The following OR51B5 variants were observed in gnomAD, a reference collection of about 807,000 sequenced individuals.
OR51B5 encodes the protein olfactory receptor family 51 subfamily B member 5, also known as olfactory receptor 51B5.
For synonymous variants in OR51B5, 186 were observed against 144.8 expected (o/e 1.28, Z -2.04); for missense variants, 456 against 374.6 (o/e 1.22, Z -1.79).
chr11:5,406,225 T>C (rs1391610), intron 1 of OR51B5, among the ~76,000 whole-genome samples: 127,585 of 152,182 alleles, frequency 0.84, 53,969 homozygotes, highest in Non-Finnish European at 0.89. Flanking sequence ...AATACTGAAG[T>C]TCTGTAAAGA....
At chr11:5,426,106 C>T (rs1311887825) in intron 1 of OR51B5, among the ~76,000 whole-genome samples, 1 of 152,126 alleles carries the variant, frequency 6.6e-6, no homozygotes, top group East Asian at 1.9e-4. Context: ...TGAAAGAAGC[C>T]TGTCTTAAAA....
At chr11:5,461,095 G>A (rs1046254564) in intron 1 of OR51B5, among the ~76,000 whole-genome samples, 1 of 152,120 alleles carries the variant, frequency 6.6e-6, no homozygotes, top group African/African-American at 2.4e-5. Flanking sequence ...GCTGCAGCTG[G>A]GGGGCTGCGT....
At chr11:5,493,627 C>G (rs1486846211) in intron 1 of OR51B5, among the ~76,000 whole-genome samples, 1 of 152,106 alleles carries the variant, frequency 6.6e-6, no homozygotes, top group East Asian at 1.9e-4. Context: ...ACTGTAAAAG[C>G]AGAAAATAGT....
intron 1 of OR51B5, among the ~76,000 whole-genome samples, chr11:5,466,453 T>C (rs1416852849): frequency 1.3e-5 from 2 of 152,218 alleles, no homozygotes; most frequent in African/African-American, 4.8e-5. Flanking sequence ...CTAAAAAATA[T>C]TGAAGTCAGT....
intron 1 of OR51B5, among the ~76,000 whole-genome samples, chr11:5,398,049 T>C (rs1045543222): frequency 6.6e-6 from 1 of 151,804 alleles, no homozygotes; most frequent in African/African-American, 2.4e-5. Flanking sequence ...CGGGGCCTGT[T>C]GTGGGGTGGG....
intron 1 of OR51B5, among the ~76,000 whole-genome samples, chr11:5,349,270 A>C (rs1849038501): frequency 6.6e-6 from 1 of 152,168 alleles, no homozygotes; most frequent in South Asian, 2.1e-4. Flanking sequence ...CAGCTATTTT[A>C]AGGATTCTTC....
intron 1 of OR51B5, among the ~76,000 whole-genome samples, chr11:5,375,099 C>T (rs1589961065): frequency 6.7e-6 from 1 of 150,084 alleles, no homozygotes; most frequent in East Asian, 1.9e-4. Context: ...TCGGGTTACC[C>T]ACAAAGGGAA....
intron 1 of OR51B5, among the ~76,000 whole-genome samples, chr11:5,467,393 A>G (rs914234317): frequency 6.6e-6 from 1 of 152,206 alleles, no homozygotes; most frequent in African/African-American, 2.4e-5. Flanking sequence ...GCTTTATTTT[A>G]AAAAAGTTAT....
At chr11:5,458,293 T>C (rs991706529) in intron 1 of OR51B5, among the ~76,000 whole-genome samples, 14 of 152,252 alleles carry the variant, frequency 9.2e-5, no homozygotes, top group African/African-American at 3.1e-4. Context: ...TGTGGCTTTG[T>C]TTCTGGTTTC....
intron 1 of OR51B5, chr11:5,389,677 T>G: frequency 1.2e-6 from 2 of 1,613,678 alleles, no homozygotes; most frequent in Non-Finnish European, 1.7e-6. Context: ...TGCCCACCAC[T>G]ATGGGGATCT....
intron 1 of OR51B5, among the ~76,000 whole-genome samples, chr11:5,349,874 T>G (rs1849050025): frequency 6.6e-6 from 1 of 152,114 alleles, no homozygotes; most frequent in Non-Finnish European, 1.5e-5. Flanking sequence ...CTCATCAATC[T>G]TTTCTCCTTT....
chr11:5,399,798 G>A (rs1033091817), intron 1 of OR51B5, among the ~76,000 whole-genome samples: 2 of 151,422 alleles, frequency 1.3e-5, no homozygotes, highest in African/African-American at 4.9e-5. Flanking sequence ...GAAAAAAAAA[G>A]GAAGAAAACA....
chr11:5,505,226 T>C (rs1385894631), intron 1 of OR51B5: 1 of 1,011,998 alleles, frequency 9.9e-7, no homozygotes, highest in African/African-American at 1.7e-5. Flanking sequence ...GGAAGGCAGA[T>C]AAATGCAGTA....
intron 1 of OR51B5, among the ~76,000 whole-genome samples, chr11:5,405,896 A>T (rs1485831690): frequency 6.6e-6 from 1 of 152,194 alleles, no homozygotes; most frequent in African/African-American, 2.4e-5. Flanking sequence ...CATAGAGGAC[A>T]ATGCCTCCAA....
intron 1 of OR51B5, among the ~76,000 whole-genome samples, chr11:5,357,614 T>C (rs572290475): frequency 1.9e-3 from 293 of 151,914 alleles, no homozygotes; most frequent in Non-Finnish European, 3.0e-3. Context: ...TATCCAGGAA[T>C]TGAACTCAGC....
At chr11:5,463,042 C>A (rs924421031) in intron 1 of OR51B5, among the ~76,000 whole-genome samples, 2 of 152,184 alleles carry the variant, frequency 1.3e-5, no homozygotes, top group African/African-American at 4.8e-5. Context: ...GATTTGGTCT[C>A]ATTGTTTTGT....
intron 1 of OR51B5, chr11:5,453,842 G>T (rs369760224): frequency 4.3e-6 from 7 of 1,614,084 alleles, no homozygotes; most frequent in Non-Finnish European, 5.9e-6. Flanking sequence ...TGCTGGCCAT[G>T]AGTTTTGACC....
rs575710716 is a variant in OR51B5, at chr11:5,374,706, T to G, written n.85-27796A>C. On this transcript the variant is annotated intron_variant and non_coding_transcript_variant, in intron 1 of 4. Transcript: ENST00000415970. ...AGAATGGAGAAGCCTCAGGAGCTGA[T>G]GCGATCAACTGGAAGAAAGGGTATC... Among the ~76,000 whole-genome samples, 8 of 152,196 alleles carry G rather than the reference T, an allele frequency of 5.3e-5. No individual in the cohort carries two copies. In the East Asian group the frequency reaches 1.4e-3, roughly 26 times the overall value.
At chr11:5,414,558 C>A (rs989756672) in intron 1 of OR51B5, among the ~76,000 whole-genome samples, 2 of 151,810 alleles carry the variant, frequency 1.3e-5, no homozygotes, top group African/African-American at 4.8e-5. Flanking sequence ...CAGAGACACA[C>A]ATAGGCTCAA....
Sources: gnomAD v4.1 joint callset for allele counts (sites outside exome capture counted in the v4.1 genomes callset) on GRCh38, gnomAD v4.1.1 for gene constraint, MANE v1.5 for transcripts, NCBI Gene and HGNC (gene_info 2026-07-23, HGNC 2026-07-21) for gene names.